CSMD1: variants seen among roughly 807,000 people sequenced by gnomAD.
CSMD1 encodes CUB and sushi domain-containing protein 1.
A neutral mutation model predicts 417.5 loss-of-function variants in CSMD1; 213 were observed. The observed-to-expected ratio is 0.51, with a 90% CI of 0.46 to 0.57. The LOEUF (loss-of-function observed/expected upper bound fraction) is 0.57. Ranked by LOEUF, CSMD1 falls within the 20% of genes least tolerant of loss-of-function variation. CSMD1 has a pLI of 0.00. For synonymous variants in CSMD1, 2,862 were observed against 1,736.8 expected, an observed-to-expected ratio of 1.65 and a Z score of -16.11; for missense variants, 6,923 against 4,529.7, an observed-to-expected ratio of 1.53 and a Z score of -15.17.
chr8:4,190,185 G>C (rs1352215894), intron 3 of CSMD1, among the ~76,000 whole-genome samples: 1 of 150,982 alleles, frequency 6.6e-6, no homozygotes, highest in African/African-American at 2.4e-5. Flanking sequence ...CGTGAACCTG[G>C]GAGGTGGAGC....
intron 17 of CSMD1, among the ~76,000 whole-genome samples, chr8:3,388,507 G>A (rs907490187): frequency 3.9e-5 from 6 of 152,160 alleles, no homozygotes; most frequent in African/African-American, 1.4e-4. Flanking sequence ...ACATTAGAAT[G>A]AATATCTGAA....
intron 7 of CSMD1, among the ~76,000 whole-genome samples, chr8:3,668,475 G>T (rs1049961442): frequency 6.6e-6 from 1 of 152,126 alleles, no homozygotes; most frequent in Non-Finnish European, 1.5e-5. Flanking sequence ...ATAGAGTTTG[G>T]GGGATATTAC....
intron 1 of CSMD1, among the ~76,000 whole-genome samples, chr8:4,711,516 C>A (rs1584980998): frequency 6.6e-6 from 1 of 151,298 alleles, no homozygotes; most frequent in African/African-American, 2.4e-5. Context: ...TTTGGGACAT[C>A]TGTCCTGAAA....
chr8:3,921,522 G>A (rs1026799482), intron 5 of CSMD1, among the ~76,000 whole-genome samples: 12 of 151,670 alleles, frequency 7.9e-5, no homozygotes, highest in African/African-American at 2.9e-4. Flanking sequence ...TTTCATGTAG[G>A]CCATCATTTC....
At chr8:3,532,431 C>G (rs1230724298) in intron 10 of CSMD1, among the ~76,000 whole-genome samples, 1 of 152,120 alleles carries the variant, frequency 6.6e-6, no homozygotes, top group Non-Finnish European at 1.5e-5. Flanking sequence ...TGTGGCAACT[C>G]TCCTCCTCCT....
At chr8:4,167,234 G>A (rs1797506397) in intron 3 of CSMD1, among the ~76,000 whole-genome samples, 1 of 152,118 alleles carries the variant, frequency 6.6e-6, no homozygotes, top group African/African-American at 2.4e-5. Flanking sequence ...TTTTAGGGAA[G>A]GAGTGTCTTC....
chr8:3,895,991 A>T (rs1807334182), intron 5 of CSMD1, among the ~76,000 whole-genome samples: 1 of 152,166 alleles, frequency 6.6e-6, no homozygotes, highest in South Asian at 2.1e-4. Context: ...TATTACTGTA[A>T]ATCATTCAGT....
chr8:4,898,536 C>T (rs939935586), intron 1 of CSMD1, among the ~76,000 whole-genome samples: 17 of 152,200 alleles, frequency 1.1e-4, no homozygotes, highest in Admixed American at 1.1e-3. Flanking sequence ...GGTCTTTATG[C>T]CTCTGTTCTT....
In CSMD1 at chr8:3,931,696, A is replaced by ATAGTTTAG. The variant is rs1208796190; in HGVS notation, c.818+66199_818+66206dup. 1.3e-5 allele frequency among the ~76,000 whole-genome samples: 2 copies of ATAGTTTAG among 149,402 alleles called. 1 individual carries two copies. Among genetic ancestry groups the ATAGTTTAG allele is most frequent in the African/African-American group, 4.9e-5 (2 of 40,410 alleles). ...CAAACAAACAAACAACAAAAGGACT[A>ATAGTTTAG]TAGTTTAGAAGAAGGACAGCATTAC... is the stretch of plus-strand genomic sequence containing the variant. On this transcript the variant is annotated intron_variant, in intron 5 of 69. Transcript: ENST00000635120.
At chr8:3,148,880 C>G (rs1395218302) in intron 40 of CSMD1, among the ~76,000 whole-genome samples, 1 of 152,170 alleles carries the variant, frequency 6.6e-6, no homozygotes, top group Admixed American at 6.6e-5. Flanking sequence ...TGGTGCGTTA[C>G]TCAAATGTAA....
At chr8:4,918,442 C>A (rs1302616678) in intron 1 of CSMD1, among the ~76,000 whole-genome samples, 2 of 152,108 alleles carry the variant, frequency 1.3e-5, no homozygotes, top group South Asian at 2.1e-4. Context: ...TCTGTATATC[C>A]ACCTGGACTT....
At chr8:4,049,910 G>A (rs13263899) in intron 3 of CSMD1, among the ~76,000 whole-genome samples, 2 of 48,366 alleles carry the variant, frequency 4.1e-5, no homozygotes, top group African/African-American at 1.9e-4. Context: ...TTCTGTTTCA[G>A]GAATCCATTC....
intron 4 of CSMD1, among the ~76,000 whole-genome samples, chr8:4,011,099 A>G (rs1189818065): frequency 1.3e-5 from 2 of 152,208 alleles, no homozygotes; most frequent in African/African-American, 4.8e-5. Flanking sequence ...CACAAAGAAA[A>G]TAGAAGCAAT....
At chr8:4,296,554 C>T (rs930858653) in intron 3 of CSMD1, among the ~76,000 whole-genome samples, 6 of 151,946 alleles carry the variant, frequency 3.9e-5, no homozygotes, top group Admixed American at 2.0e-4. Context: ...ACTCATAATT[C>T]AGAGGATGGA....
At chr8:3,855,356 A>T (rs1804223599) in intron 5 of CSMD1, among the ~76,000 whole-genome samples, 2 of 152,308 alleles carry the variant, frequency 1.3e-5, no homozygotes, top group Middle Eastern at 3.4e-3. Flanking sequence ...TCACATCCTA[A>T]TTTTAATTTG....
intron 45 of CSMD1, chr8:3,106,895 G>A (rs898239761): frequency 3.6e-5 from 12 of 333,340 alleles, no homozygotes; most frequent in South Asian, 7.9e-5. Flanking sequence ...TGAGGCATCC[G>A]TGTTGGTTTC....
At chr8:3,505,936 A>G (rs1440176870) in intron 10 of CSMD1, among the ~76,000 whole-genome samples, 1 of 152,252 alleles carries the variant, frequency 6.6e-6, no homozygotes, top group South Asian at 2.1e-4. Flanking sequence ...AAAAAGAATG[A>G]TCTCCAAAAA....
chr8:4,787,855 C>T (rs1178865464), intron 1 of CSMD1: 9 of 1,567,340 alleles, frequency 5.7e-6, no homozygotes, highest in Non-Finnish European at 7.0e-6. Flanking sequence ...ATCCTGGTTG[C>T]CCCAGAATTG....
In CSMD1 at chr8:4,262,004, T is replaced by C. The variant is rs533116498; in HGVS notation, c.415+157949A>G. On this transcript the variant is annotated intron_variant, in intron 3 of 69. Coordinates refer to ENST00000635120, the MANE Select transcript of CSMD1 (RefSeq NM_033225.6). ...CATTTCCTGGGAATGAGTGAAATTC[T>C]GAGACTGCTTAATCTTTAGTACTCC... Among the ~76,000 whole-genome samples the C allele has an allele frequency of 3.3e-5, 5 of 152,314 alleles. No homozygotes were observed. The South Asian group carries it at 6.2e-4, about 19-fold the overall frequency.
Sources: allele counts gnomAD v4.1 joint callset (sites outside exome capture counted in the v4.1 genomes callset), GRCh38; gene constraint gnomAD v4.1.1; transcripts MANE v1.5; gene names NCBI Gene and HGNC (gene_info 2026-07-23, HGNC 2026-07-21).